Variants in JADE2 observed in about 807,000 individuals in gnomAD.
The protein encoded by JADE2 is jade family PHD finger 2.
Under a neutral mutation model 85.7 loss-of-function variants are expected in JADE2, and 13 were observed. The observed-to-expected ratio is 0.15, with a 90% CI of 0.10 to 0.24. The LOEUF (loss-of-function observed/expected upper bound fraction) is 0.24, where lower values mean the gene tolerates loss of function less well. Among genes scored for constraint, JADE2 ranks in the 10% least tolerant of loss-of-function variants. The probability of loss-of-function intolerance (pLI) is 1.00; values close to 1 mark genes in which losing one functional copy is unlikely to be tolerated. For missense variants in JADE2, 846 were observed against 1,115.9 expected (o/e 0.76, Z 3.45); for synonymous variants, 440 against 456.1 (o/e 0.96, Z 0.45).
chr5:134,526,022 G>T lies in JADE2; in HGVS notation c.-1+11G>T, dbSNP rs976337131. 1 of 985,442 alleles carries T rather than the reference G, an allele frequency of 1.0e-6. No individual in the cohort carries two copies. The highest frequency in any genetic ancestry group is 1.2e-6 in the Non-Finnish European group (1 of 830,030). The allele number at this position is 985,442 out of a possible 1,614,324, so 61.0% of individuals were successfully genotyped here. On this transcript the variant is annotated intron_variant, in intron 1 of 11. Transcript: ENST00000681547. ...GCACCGCGGAGCAAGGTAAGATCCA[G>T]CCCCCGGCGGATGGGCCCTGCGCAT...
chr5:134,535,415 A>C (rs996006365), intron 1 of JADE2, among the ~76,000 whole-genome samples: 1 of 152,110 alleles, frequency 6.6e-6, no homozygotes, highest in African/African-American at 2.4e-5. Context: ...TTCCGACAGC[A>C]TGGTCCTCCT....
At chr5:134,541,809 C>T (rs992703723) in intron 3 of JADE2, among the ~76,000 whole-genome samples, 1 of 152,242 alleles carries the variant, frequency 6.6e-6, no homozygotes, top group Non-Finnish European at 1.5e-5. Flanking sequence ...AGGGGCTGCC[C>T]TTTCCCAGTG....
chr5:134,541,248 A>G (rs940862830), intron 3 of JADE2, among the ~76,000 whole-genome samples: 1 of 152,358 alleles, frequency 6.6e-6, no homozygotes, highest in East Asian at 1.9e-4. Flanking sequence ...AGGTTTTCCT[A>G]GTCCTCTAAG....
At chr5:134,549,745 C>T (rs1762499198) in intron 3 of JADE2, among the ~76,000 whole-genome samples, 1 of 152,174 alleles carries the variant, frequency 6.6e-6, no homozygotes, top group Admixed American at 6.5e-5. Context: ...CACATAGTGA[C>T]ACTGGGCTAT....
chr5:134,527,558 G>A (rs1226846656), intron 1 of JADE2, among the ~76,000 whole-genome samples: 10 of 151,080 alleles, frequency 6.6e-5, no homozygotes, highest in Admixed American at 5.9e-4. Flanking sequence ...TGGGTGTTAA[G>A]CCCACCCACC....
chr5:134,539,043 T>TTTTATTTTATTTATTTA (rs1554124817), intron 3 of JADE2, among the ~76,000 whole-genome samples: 15 of 134,376 alleles, frequency 1.1e-4, no homozygotes, highest in Non-Finnish European at 2.2e-4. Flanking sequence ...TTTATTTTTA[T>TTTTATTTTATTTATTTA]TTTATTTATT....
At position 134,582,988 on chromosome 5, in the gene JADE2, CA is replaced by C. The variant is rs1383061274; in HGVS notation, c.*3672del. 1 of 152,578 alleles carries C rather than the reference CA, an allele frequency of 6.6e-6. No homozygotes were observed. Among genetic ancestry groups the C allele is most frequent in the Non-Finnish European group, 1.5e-5 (1 of 68,016 alleles). 9.5% of individuals were successfully genotyped at this position (152,578 alleles called of 1,614,324 possible). ...CAAAGACCTATTTCTCCTTTTTGTA[CA>C]TTGTCCATGTGCGCAACCCTTAACG... On this transcript the variant is annotated 3_prime_UTR_variant, in exon 12 of 12. Coordinates refer to ENST00000681547, the MANE Select transcript of JADE2 (RefSeq NM_001388185.1).
At chr5:134,525,298 C>T (rs1760728340), upstream of JADE2, among the ~76,000 whole-genome samples, 1 of 151,874 alleles carries the variant, frequency 6.6e-6, no homozygotes, top group South Asian at 2.1e-4. Flanking sequence ...TGTGAGCAGA[C>T]CTGATGGGAC....
At chr5:134,553,362 C>CT (rs58473839) in intron 4 of JADE2, among the ~76,000 whole-genome samples, 58,338 of 145,690 alleles carry the variant, frequency 0.4, 12,468 homozygotes, top group East Asian at 0.64. Context: ...TTATTCTTTT[C>CT]TTTTTTTTTT....
intron 3 of JADE2, among the ~76,000 whole-genome samples, chr5:134,543,057 C>T (rs1240018559): frequency 9.0e-5 from 13 of 143,678 alleles, no homozygotes; most frequent in Admixed American, 2.1e-4. Context: ...TTTTTTGAGA[C>T]GGAGTCTCAC....
At chr5:134,537,266 G>C (rs922506882) in intron 2 of JADE2, among the ~76,000 whole-genome samples, 3 of 152,182 alleles carry the variant, frequency 2.0e-5, no homozygotes, top group African/African-American at 7.2e-5. Context: ...CCTATTTCTT[G>C]CTGCTCCTTT....
chr5:134,575,886 C>T (rs905334968), intron 10 of JADE2: 1 of 151,720 alleles, frequency 6.6e-6, no homozygotes, highest in African/African-American at 2.4e-5. Context: ...GAGCCAGGCT[C>T]TGTCTCTAAA....
At chr5:134,531,067 G>A (rs1017015557) in intron 1 of JADE2, among the ~76,000 whole-genome samples, 1 of 152,232 alleles carries the variant, frequency 6.6e-6, no homozygotes, top group Non-Finnish European at 1.5e-5. Flanking sequence ...TGGACACTGG[G>A]TGGTGAATTT....
At chr5:134,573,464 A>T (rs1038335484) in intron 9 of JADE2, among the ~76,000 whole-genome samples, 181 bp from the exon 10 acceptor site, 3 of 152,184 alleles carry the variant, frequency 2.0e-5, no homozygotes, top group African/African-American at 7.2e-5. Flanking sequence ...CGAGACATGC[A>T]GCACAGGGCT....
At position 134,578,044 on chromosome 5, in the gene JADE2, T is replaced by C. The variant is rs1764493264; in HGVS notation, c.1682-450T>C. Among the ~76,000 whole-genome samples the C allele has an allele frequency of 6.6e-6, 1 of 152,174 alleles. No homozygotes were observed. Among genetic ancestry groups the C allele is most frequent in the Non-Finnish European group, 1.5e-5 (1 of 68,032 alleles). On this transcript the variant is annotated intron_variant, in intron 11 of 11. Coordinates refer to ENST00000681547, the MANE Select transcript of JADE2 (RefSeq NM_001388185.1). This position sits in a 1 kb window ranked among gnomAD's most constrained non-coding sequence, Gnocchi z 4.4. Reference sequence around the variant, plus strand: ...AATGGGGGTAGTGGGCAGGTCCAACTTCGTGGGTAGCAACCTGTGCAGTGC... The same window carrying C: ...AATGGGGGTAGTGGGCAGGTCCAACCTCGTGGGTAGCAACCTGTGCAGTGC...
chr5:134,567,898 GGCTACCTACATT>G (rs1229689110), intron 9 of JADE2, among the ~76,000 whole-genome samples: 11 of 152,194 alleles, frequency 7.2e-5, no homozygotes, highest in Non-Finnish European at 1.2e-4. Context: ...CAGAGGGCAA[GGCTACCTACATT>G]GCAGCCACCA....
intron 1 of JADE2, among the ~76,000 whole-genome samples, chr5:134,527,061 G>A (rs916710519): frequency 1.3e-5 from 2 of 152,180 alleles, no homozygotes; most frequent in African/African-American, 4.8e-5. Context: ...GCTTGTGGCG[G>A]ACCCCGTTTG....
chr5:134,565,954 C>T (rs1470144911), intron 8 of JADE2, among the ~76,000 whole-genome samples, 162 bp from the exon 9 acceptor site: 2 of 151,810 alleles, frequency 1.3e-5, no homozygotes, highest in Non-Finnish European at 2.9e-5. Context: ...CCTCCCCTGC[C>T]GTAACTCCCA....
intron 3 of JADE2, among the ~76,000 whole-genome samples, chr5:134,543,249 T>G (rs998330067): frequency 5.3e-5 from 8 of 150,418 alleles, no homozygotes; most frequent in South Asian, 2.2e-4. Flanking sequence ...TGGTCAGGCT[T>G]GTCTTGACCT....
Sources: gnomAD v4.1 joint callset for allele counts (sites outside exome capture counted in the v4.1 genomes callset) on GRCh38, gnomAD v4.1.1 for gene constraint, Gnocchi (gnomAD v3.1) non-coding constraint, MANE v1.5 for transcripts, NCBI Gene and HGNC (gene_info 2026-07-23, HGNC 2026-07-21) for gene names.